The following PCDHA11 variants were observed in gnomAD, a reference collection of about 807,000 sequenced individuals.
PCDHA11 encodes protocadherin alpha-11.
PCDHA11 carries 61 observed loss-of-function variants against 70.3 expected under a neutral mutation model. The ratio of observed to expected loss-of-function variants is 0.87; its 90% confidence interval spans 0.71 to 1.07. The LOEUF is 1.07. Ranked by LOEUF, PCDHA11 falls within the 50% of genes least tolerant of loss-of-function variation. The pLI is 0.00. For synonymous variants in PCDHA11, 633 were observed against 555.1 expected, an observed-to-expected ratio of 1.14 and a Z score of -1.97; for missense variants, 1,324 against 1,237.5, an observed-to-expected ratio of 1.07 and a Z score of -1.05.
chr5:140,902,203 CTTTTTTT>C (rs148688132), intron 1 of PCDHA11, among the ~76,000 whole-genome samples: 3 of 124,458 alleles, frequency 2.4e-5, no homozygotes, highest in African/African-American at 3.1e-5. Flanking sequence ...CTCTCTCTTT[CTTTTTTT>C]TTTTTTTTTT....
At chr5:140,941,248 T>TTTCTTTCG (rs1563187616) in intron 1 of PCDHA11, among the ~76,000 whole-genome samples, 2 of 141,492 alleles carry the variant, frequency 1.4e-5, no homozygotes, top group Non-Finnish European at 3.1e-5. Context: ...TCTTTCTTTC[T>TTTCTTTCG]TTCTTTCTCT....
At chr5:140,978,283 G>A (rs1355729190) in intron 1 of PCDHA11, among the ~76,000 whole-genome samples, 3 of 152,200 alleles carry the variant, frequency 2.0e-5, no homozygotes, top group South Asian at 2.1e-4. Context: ...CAGTGATTCA[G>A]TGAGGAGGGA....
intron 1 of PCDHA11, among the ~76,000 whole-genome samples, chr5:140,963,325 C>T (rs1156299692): frequency 2.0e-5 from 3 of 152,156 alleles, no homozygotes; most frequent in Non-Finnish European, 4.4e-5. Flanking sequence ...ATTAGAATTA[C>T]ACAGATAAAT....
intron 3 of PCDHA11, among the ~76,000 whole-genome samples, chr5:140,994,140 A>G (rs768317904): frequency 7.2e-5 from 11 of 152,230 alleles, no homozygotes; most frequent in Non-Finnish European, 1.5e-4. Context: ...ATAATGCCCT[A>G]CGTAGGTAGG....
At chr5:140,944,344 C>T (rs567913669) in intron 1 of PCDHA11, among the ~76,000 whole-genome samples, 5 of 152,238 alleles carry the variant, frequency 3.3e-5, no homozygotes, top group Admixed American at 2.0e-4. Context: ...CGTGCCACCA[C>T]ACCTGGCTAA....
In PCDHA11 at chr5:140,883,728, A is replaced by G. The variant is rs781971725; in HGVS notation, c.2391+12234A>G. 2 of 1,613,392 alleles carry G rather than the reference A, an allele frequency of 1.2e-6. No homozygotes were observed. The highest frequency in any genetic ancestry group is 2.7e-5 in the African/African-American group (2 of 74,914). On this transcript the variant is annotated intron_variant, in intron 1 of 3. Transcript: ENST00000398640. ...GCTCAGGACGCGGACGCACAGGAGA[A>G]CGCGCTGGTCTCCTACTCGCTGGTG...
intron 1 of PCDHA11, chr5:140,875,971 CTT>C: frequency 6.2e-7 from 1 of 1,614,030 alleles, no homozygotes. Flanking sequence ...CGTAAACTCT[CTT>C]TTGACCTATG....
chr5:140,965,857 A>G (rs1563345275), intron 1 of PCDHA11, among the ~76,000 whole-genome samples: 1 of 152,220 alleles, frequency 6.6e-6, no homozygotes, highest in South Asian at 2.1e-4. Context: ...GCACACACTG[A>G]AAATAAGGGC....
intron 1 of PCDHA11, chr5:140,928,899 T>C (rs2085633672): frequency 2.5e-6 from 4 of 1,614,088 alleles, no homozygotes; most frequent in South Asian, 1.1e-5. Flanking sequence ...ACTTTGAAGA[T>C]GTCTGGGAAC....
chr5:140,903,540 A>G (rs531687543), intron 1 of PCDHA11, among the ~76,000 whole-genome samples: 46 of 152,352 alleles, frequency 3.0e-4, no homozygotes, highest in African/African-American at 9.9e-4. Flanking sequence ...AACTAGAGCA[A>G]GAAACTTTTC....
At chr5:140,946,867 G>A (rs1194586546) in intron 1 of PCDHA11, among the ~76,000 whole-genome samples, 1 of 151,282 alleles carries the variant, frequency 6.6e-6, no homozygotes, top group Non-Finnish European at 1.5e-5. Context: ...GGAGAGGTTG[G>A]TCAATGGGTA....
chr5:140,926,915 T>A, intron 1 of PCDHA11: 1 of 1,563,726 alleles, frequency 6.4e-7, no homozygotes, highest in Non-Finnish European at 8.7e-7. Flanking sequence ...GGGGTGGCAG[T>A]TTTATGTTTG....
intron 1 of PCDHA11, chr5:140,928,071 C>CTACTACAGCCTGCTG: frequency 6.2e-7 from 1 of 1,614,220 alleles, no homozygotes; most frequent in South Asian, 1.1e-5. Context: ...CCTTTGACAA[C>CTACTACAGCCTGCTG]TACTACAGCC....
chr5:140,975,601 GA>G (rs781785883), intron 1 of PCDHA11, among the ~76,000 whole-genome samples: 1 of 152,192 alleles, frequency 6.6e-6, no homozygotes, highest in Non-Finnish European at 1.5e-5. Flanking sequence ...GCAATTTGTT[GA>G]TGTCTTCCAC....
At chr5:141,008,745 G>A (rs759690147) in intron 3 of PCDHA11, among the ~76,000 whole-genome samples, 5 of 152,200 alleles carry the variant, frequency 3.3e-5, no homozygotes, top group Non-Finnish European at 7.3e-5. Context: ...TGAGCACACT[G>A]AGGGAAGGAA....
rs567902726 is a variant in PCDHA11 at position 140,936,017 on chromosome 5, C to T, written c.2392-42932C>T. Among the ~76,000 whole-genome samples, 12 of 151,854 alleles carry T rather than the reference C, an allele frequency of 7.9e-5. No individual in the cohort carries two copies. The South Asian group carries it at 1.7e-3, about 21-fold the overall frequency. ...AAGCGATTCTCCCACCTCAGCCTCCCGAGTAGCGGGGATTACAGGCACCCA... is the reference window on the plus strand; with the variant it reads ...AAGCGATTCTCCCACCTCAGCCTCCTGAGTAGCGGGGATTACAGGCACCCA... On this transcript the variant is annotated intron_variant, in intron 1 of 3. Coordinates refer to ENST00000398640, the MANE Select transcript of PCDHA11 (RefSeq NM_018902.5).
At chr5:140,876,315 C>G (rs2056279391) in intron 1 of PCDHA11, 1 of 1,613,840 alleles carries the variant, frequency 6.2e-7, no homozygotes, top group African/African-American at 1.3e-5. Flanking sequence ...CCTATGGGAT[C>G]AAAATGATTT....
At chr5:140,880,403 T>C (rs1474959731) in intron 1 of PCDHA11, among the ~76,000 whole-genome samples, 1 of 152,186 alleles carries the variant, frequency 6.6e-6, no homozygotes, top group Non-Finnish European at 1.5e-5. Flanking sequence ...GAGCATATGG[T>C]TGACCTTAAA....
At chr5:140,901,469 G>A (rs1056054450) in intron 1 of PCDHA11, among the ~76,000 whole-genome samples, 1 of 152,080 alleles carries the variant, frequency 6.6e-6, no homozygotes, top group African/African-American at 2.4e-5. Flanking sequence ...CTTTTCTCGA[G>A]TTTATGTTCT....
Sources: gnomAD v4.1 joint callset for allele counts (sites outside exome capture counted in the v4.1 genomes callset) on GRCh38, gnomAD v4.1.1 for gene constraint, MANE v1.5 for transcripts, NCBI Gene and HGNC (gene_info 2026-07-23, HGNC 2026-07-21) for gene names.